Variants in ZBTB20 observed in about 807,000 individuals in gnomAD.
ZBTB20 encodes zinc finger and BTB domain containing 20, also known as zinc finger and BTB domain-containing protein 20.
In ZBTB20, 9 loss-of-function variants were observed where a neutral mutation model predicts 56.9. That is an observed-to-expected ratio of 0.16 (90% CI 0.10 to 0.28). The LOEUF is 0.28. Ranked by LOEUF, ZBTB20 falls within the 10% of genes least tolerant of loss-of-function variation. The pLI, the probability that ZBTB20 is intolerant of heterozygous loss-of-function variation, is 1.00. For missense variants in ZBTB20, 655 were observed against 1,003.0 expected, an observed-to-expected ratio of 0.65 and a Z score of 4.69; for synonymous variants, 417 against 420.7, an observed-to-expected ratio of 0.99 and a Z score of 0.11.
intron 3 of ZBTB20, among the ~76,000 whole-genome samples, chr3:114,969,670 T>C (rs187134659): frequency 5.3e-5 from 8 of 152,292 alleles, no homozygotes; most frequent in African/African-American, 9.6e-5. Flanking sequence ...TATAACCAGG[T>C]ACCTTATATT....
chr3:114,330,092 A>G lies in ZBTB20; in HGVS notation c.*8913T>C, dbSNP rs2079197574. ...AGATATTGAGTGGGTCAGCTAAACAAGATCACTTTGAATATGAACCTCTTT... is the reference window on the plus strand; with the variant it reads ...AGATATTGAGTGGGTCAGCTAAACAGGATCACTTTGAATATGAACCTCTTT... On this transcript the variant is annotated 3_prime_UTR_variant, in exon 12 of 12. Coordinates refer to ENST00000675478, the MANE Select transcript of ZBTB20 (RefSeq NM_001348800.3). 6.6e-6 allele frequency: 1 copy of G among 152,270 alleles called. No individual in the cohort carries two copies. Among genetic ancestry groups the G allele is most frequent in the South Asian group, 2.1e-4 (1 of 4,836 alleles). 9.4% of individuals were successfully genotyped at this position (152,270 alleles called of 1,614,324 possible).
At chr3:114,491,784 A>G (rs1411603761) in intron 7 of ZBTB20, among the ~76,000 whole-genome samples, 1 of 151,982 alleles carries the variant, frequency 6.6e-6, no homozygotes, top group South Asian at 2.1e-4. Context: ...ATATTGCAGT[A>G]GCTCATTTTC....
Position 115,020,532 on chromosome 3 carries a change from A to T in ZBTB20, c.-506-46116T>A, listed in dbSNP as rs575632693. The stretch of plus-strand genomic sequence containing the variant: ...AGCTACAGTTTTTAACTTCAAGTAA[A>T]GGAATCTTAAAGCAGTTCAAGGAAG... On this transcript the variant is annotated intron_variant, in intron 2 of 11. Transcript: ENST00000675478. Among the ~76,000 whole-genome samples, 29 of 151,314 alleles carry T rather than the reference A, an allele frequency of 1.9e-4. 1 individual carries two copies. The South Asian group carries it at 5.8e-3, about 30-fold the overall frequency.
chr3:114,903,112 T>C (rs1253744942), intron 3 of ZBTB20, among the ~76,000 whole-genome samples: 1 of 152,128 alleles, frequency 6.6e-6, no homozygotes, highest in African/African-American at 2.4e-5. Context: ...CTCAGAGTTC[T>C]GGGAAGCAGT....
At chr3:114,965,201 T>C (rs947749753) in intron 3 of ZBTB20, among the ~76,000 whole-genome samples, 19 of 152,262 alleles carry the variant, frequency 1.2e-4, no homozygotes, top group African/African-American at 4.6e-4. Context: ...TATCATGATG[T>C]TGTTTTTGTT....
intron 2 of ZBTB20, among the ~76,000 whole-genome samples, chr3:114,998,467 T>C (rs2079115559): frequency 6.6e-6 from 1 of 151,756 alleles, no homozygotes; most frequent in South Asian, 2.1e-4. Flanking sequence ...TAAAGTCACA[T>C]GGCAGACTGT....
intron 7 of ZBTB20, among the ~76,000 whole-genome samples, chr3:114,414,843 G>T (rs1049689441): frequency 6.6e-6 from 1 of 150,786 alleles, no homozygotes; most frequent in Non-Finnish European, 1.5e-5. Context: ...AGCTATTTGT[G>T]AGTTTTATTA....
chr3:114,691,313 G>A (rs2062684268), intron 6 of ZBTB20, among the ~76,000 whole-genome samples: 1 of 152,024 alleles, frequency 6.6e-6, no homozygotes, highest in African/African-American at 2.4e-5. Flanking sequence ...ACAATGTCTG[G>A]GGTTTGCTTC....
At chr3:114,710,285 G>A (rs1480350034) in intron 5 of ZBTB20, 1 of 152,138 alleles carries the variant, frequency 6.6e-6, no homozygotes, top group South Asian at 2.1e-4. Flanking sequence ...CATTCTCAGA[G>A]TTCATTCTTC....
At chr3:114,863,337 T>C (rs556662779) in intron 4 of ZBTB20, among the ~76,000 whole-genome samples, 38 of 152,172 alleles carry the variant, frequency 2.5e-4, no homozygotes, top group Non-Finnish European at 4.9e-4. Flanking sequence ...AGTTCTTAAC[T>C]TGTTCTATAC....
At chr3:114,356,862 C>A (rs2081307546) in intron 10 of ZBTB20, among the ~76,000 whole-genome samples, 1 of 152,174 alleles carries the variant, frequency 6.6e-6, no homozygotes. Flanking sequence ...CCATCCACAG[C>A]AAATGACTCT....
intron 2 of ZBTB20, among the ~76,000 whole-genome samples, chr3:114,997,365 T>C (rs1019993058): frequency 1.3e-5 from 2 of 151,796 alleles, no homozygotes; most frequent in South Asian, 2.1e-4. Flanking sequence ...CTAAACTCTA[T>C]TCTTGAAATG....
intron 6 of ZBTB20, among the ~76,000 whole-genome samples, chr3:114,516,222 G>A (rs779563160): frequency 2.8e-4 from 42 of 152,004 alleles, no homozygotes; most frequent in Admixed American, 2.7e-3. Flanking sequence ...CCCCCAAGCC[G>A]CTTTGCTTCA....
chr3:114,467,962 G>GCTGA (rs1379311967), intron 7 of ZBTB20, among the ~76,000 whole-genome samples: 1 of 152,206 alleles, frequency 6.6e-6, no homozygotes, highest in African/African-American at 2.4e-5. Flanking sequence ...TTGGCAAAAA[G>GCTGA]CTGACGCCTT....
At chr3:114,936,942 A>C (rs1254713360) in intron 3 of ZBTB20, among the ~76,000 whole-genome samples, 2 of 152,204 alleles carry the variant, frequency 1.3e-5, no homozygotes, top group African/African-American at 4.8e-5. Context: ...CTATGATGCA[A>C]TTCTGACATC....
At chr3:114,981,563 C>T (rs1428740972) in intron 2 of ZBTB20, among the ~76,000 whole-genome samples, 3 of 151,972 alleles carry the variant, frequency 2.0e-5, no homozygotes, top group African/African-American at 7.2e-5. Context: ...TAAAGATTAA[C>T]AGATAATAGC....
intron 7 of ZBTB20, among the ~76,000 whole-genome samples, chr3:114,433,561 A>G (rs2090279305): frequency 6.6e-6 from 1 of 152,180 alleles, no homozygotes; most frequent in African/African-American, 2.4e-5. Context: ...AAACACTCAC[A>G]TGCCATTGTT....
intron 2 of ZBTB20, among the ~76,000 whole-genome samples, chr3:115,041,956 T>A (rs1190408170): frequency 6.6e-6 from 1 of 152,036 alleles, no homozygotes; most frequent in Admixed American, 6.6e-5. Flanking sequence ...TTTAAAGAGT[T>A]TATTCTAACA....
chr3:114,993,196 T>G (rs2078890169), intron 2 of ZBTB20, among the ~76,000 whole-genome samples: 1 of 151,828 alleles, frequency 6.6e-6, no homozygotes, highest in African/African-American at 2.4e-5. Context: ...ATATAAAATA[T>G]AATGTTCAGT....
Sources: allele counts gnomAD v4.1 joint callset (sites outside exome capture counted in the v4.1 genomes callset), GRCh38; gene constraint gnomAD v4.1.1; transcripts MANE v1.5; gene names NCBI Gene and HGNC (gene_info 2026-07-23, HGNC 2026-07-21).